Variants in KCNIP4 observed in about 807,000 individuals in gnomAD.
KCNIP4 encodes potassium voltage-gated channel interacting protein 4.
A neutral mutation model predicts 34.0 loss-of-function variants in KCNIP4; 12 were observed. The ratio of observed to expected loss-of-function variants is 0.35; its 90% confidence interval spans 0.23 to 0.57. The LOEUF (loss-of-function observed/expected upper bound fraction) is 0.57. Among genes scored for constraint, KCNIP4 ranks in the 20% least tolerant of loss-of-function variants. The pLI, the probability that KCNIP4 is intolerant of heterozygous loss-of-function variation, is 0.83. For missense variants in KCNIP4, 238 were observed against 311.7 expected, an observed-to-expected ratio of 0.76 and a Z score of 1.78; for synonymous variants, 124 against 102.2, an observed-to-expected ratio of 1.21 and a Z score of -1.29.
intron 1 of KCNIP4, among the ~76,000 whole-genome samples, chr4:21,871,826 G>T (rs113113241): frequency 8.5e-6 from 1 of 117,402 alleles, no homozygotes; most frequent in African/African-American, 3.4e-5. Context: ...GAAATTTTCT[G>T]TTCACTGATC....
At chr4:21,305,493 T>C (rs1273228768) in intron 1 of KCNIP4, among the ~76,000 whole-genome samples, 1 of 152,242 alleles carries the variant, frequency 6.6e-6, no homozygotes, top group Non-Finnish European at 1.5e-5. Flanking sequence ...CTCCATGCTC[T>C]ACTCAGACTT....
At chr4:21,690,148 T>C (rs112589753) in intron 1 of KCNIP4, among the ~76,000 whole-genome samples, 75 of 147,844 alleles carry the variant, frequency 5.1e-4, no homozygotes, top group South Asian at 3.0e-3. Flanking sequence ...TATATATATA[T>C]ACACACACAC....
intron 3 of KCNIP4, among the ~76,000 whole-genome samples, chr4:20,784,892 G>A (rs1380841867): frequency 6.6e-6 from 1 of 152,160 alleles, no homozygotes; most frequent in South Asian, 2.1e-4. Flanking sequence ...GACTGCGAAA[G>A]ATTTGCAGGG....
At chr4:20,927,625 A>C (rs60678177) in intron 1 of KCNIP4, among the ~76,000 whole-genome samples, 20,500 of 152,112 alleles carry the variant, frequency 0.13, 1,944 homozygotes, top group African/African-American at 0.28. Context: ...CTTTACCCCC[A>C]AAAAATTAAA....
chr4:20,969,993 G>A (rs1734765976), intron 1 of KCNIP4, among the ~76,000 whole-genome samples: 1 of 151,370 alleles, frequency 6.6e-6, no homozygotes, highest in African/African-American at 2.4e-5. Context: ...CCAGGCTGGA[G>A]TGCAGTTGTG....
intron 1 of KCNIP4, among the ~76,000 whole-genome samples, chr4:21,624,113 G>A (rs926299266): frequency 4.6e-5 from 7 of 151,998 alleles, no homozygotes; most frequent in African/African-American, 1.7e-4. Context: ...ATAGCGCACA[G>A]GACTTCAGAT....
At chr4:20,867,712 A>T (rs1302327507) in intron 2 of KCNIP4, among the ~76,000 whole-genome samples, 1 of 152,124 alleles carries the variant, frequency 6.6e-6, no homozygotes, top group Non-Finnish European at 1.5e-5. Flanking sequence ...ACAGTAAAAG[A>T]AATTATCCTA....
intron 1 of KCNIP4, among the ~76,000 whole-genome samples, chr4:21,493,680 G>GA (rs1300503908): frequency 6.6e-6 from 1 of 152,184 alleles, no homozygotes; most frequent in Non-Finnish European, 1.5e-5. Flanking sequence ...AAGACCTCTT[G>GA]AAAAGCACTT....
At chr4:21,248,240 AT>A (rs1215729760) in intron 1 of KCNIP4, among the ~76,000 whole-genome samples, 18 of 149,680 alleles carry the variant, frequency 1.2e-4, no homozygotes, top group South Asian at 4.2e-4. Flanking sequence ...ACCAGATTTG[AT>A]TTTTTTTTTC....
chr4:21,649,666 G>A (rs567801018), intron 1 of KCNIP4, among the ~76,000 whole-genome samples: 30 of 152,108 alleles, frequency 2.0e-4, no homozygotes, highest in Middle Eastern at 3.4e-3. Flanking sequence ...TCCTCTTCAC[G>A]GCTCCTTTTG....
At chr4:21,778,514 C>A (rs561277189) in intron 1 of KCNIP4, among the ~76,000 whole-genome samples, 1 of 152,136 alleles carries the variant, frequency 6.6e-6, no homozygotes, top group Admixed American at 6.5e-5. Context: ...CAGGTGTGAG[C>A]CACTGTGCTG....
intron 1 of KCNIP4, among the ~76,000 whole-genome samples, chr4:20,924,128 T>C (rs1729671917): frequency 1.3e-5 from 2 of 152,202 alleles, no homozygotes; most frequent in Admixed American, 6.5e-5. Context: ...GCTTGAATTA[T>C]TGGGACATTG....
At chr4:21,206,171 G>A (rs534928787) in intron 1 of KCNIP4, among the ~76,000 whole-genome samples, 9 of 152,258 alleles carry the variant, frequency 5.9e-5, no homozygotes, top group African/African-American at 2.2e-4. Flanking sequence ...TACCAAATAG[G>A]TTCATCTTGA....
chr4:21,380,464 A>AGAGAGAGAGAGG (rs1553873171), intron 1 of KCNIP4, among the ~76,000 whole-genome samples: 7 of 107,412 alleles, frequency 6.5e-5, no homozygotes, highest in East Asian at 2.7e-4. Flanking sequence ...AGGGGGAGAG[A>AGAGAGAGAGAGG]GAGAGAGAGA....
At chr4:21,784,848 A>C (rs1249006428) in intron 1 of KCNIP4, among the ~76,000 whole-genome samples, 1 of 152,192 alleles carries the variant, frequency 6.6e-6, no homozygotes, top group Non-Finnish European at 1.5e-5. Context: ...ATTTGATCAC[A>C]CTATATTTGA....
chr4:21,283,925 A>G (rs1203289159), intron 1 of KCNIP4, among the ~76,000 whole-genome samples: 1 of 152,090 alleles, frequency 6.6e-6, no homozygotes, highest in Non-Finnish European at 1.5e-5. Context: ...GAAATCTGCA[A>G]TTTACTGGCC....
At chr4:21,348,894 T>C (rs1015144433) in intron 1 of KCNIP4, among the ~76,000 whole-genome samples, 3 of 151,928 alleles carry the variant, frequency 2.0e-5, no homozygotes, top group Non-Finnish European at 4.4e-5. Flanking sequence ...GTCTCCAAGG[T>C]AGAGAGGAAT....
chr4:20,864,723 A>G (rs1413533734), intron 2 of KCNIP4, among the ~76,000 whole-genome samples: 3 of 152,102 alleles, frequency 2.0e-5, no homozygotes, highest in Non-Finnish European at 4.4e-5. Flanking sequence ...TGAAAGGGGT[A>G]TTGAGTCCAG....
chr4:20,864,754 A>T (rs1336657565), intron 2 of KCNIP4, among the ~76,000 whole-genome samples: 3 of 152,258 alleles, frequency 2.0e-5, no homozygotes, highest in Middle Eastern at 3.4e-3. Flanking sequence ...TTGTAAGTTC[A>T]TGTCACATAC....
Sources: gnomAD v4.1 joint callset for allele counts (sites outside exome capture counted in the v4.1 genomes callset) on GRCh38, gnomAD v4.1.1 for gene constraint, MANE v1.5 for transcripts, NCBI Gene and HGNC (gene_info 2026-07-23, HGNC 2026-07-21) for gene names.